MAGI2: variants seen among roughly 807,000 people sequenced by gnomAD.
The protein encoded by MAGI2 is membrane-associated guanylate kinase, WW and PDZ domain-containing protein 2.
Under a neutral mutation model 133.3 loss-of-function variants are expected in MAGI2, and 35 were observed. That is an observed-to-expected ratio of 0.26 (90% confidence interval 0.20 to 0.35). The LOEUF is 0.35. Among genes scored for constraint, MAGI2 ranks in the 10% least tolerant of loss-of-function variants. MAGI2 has a pLI of 1.00. For synonymous variants in MAGI2, 729 were observed against 710.6 expected, an observed-to-expected ratio of 1.03 and a Z score of -0.41; for missense variants, 1,636 against 1,863.4, an observed-to-expected ratio of 0.88 and a Z score of 2.25.
intron 20 of MAGI2, among the ~76,000 whole-genome samples, chr7:78,118,006 C>T (rs770527880): frequency 1.3e-4 from 20 of 152,040 alleles, no homozygotes; most frequent in African/African-American, 1.9e-4. Flanking sequence ...AAAGAATAGA[C>T]GAATAGATCA....
intron 14 of MAGI2, among the ~76,000 whole-genome samples, chr7:78,171,977 T>C (rs1826154453): frequency 6.6e-6 from 1 of 152,170 alleles, no homozygotes. Flanking sequence ...AAAGAACTTC[T>C]CCATGAACAA....
chr7:79,163,755 C>T lies in MAGI2; in HGVS notation c.302-156549G>A, dbSNP rs555771698. On this transcript the variant is annotated intron_variant, in intron 1 of 21. Transcript: ENST00000354212. ...GGTTGTTTACTGCCCTCTGATTTCA[C>T]TTATAACCTTCTTGGATGCCTAATC... Among the ~76,000 whole-genome samples, 9 of 152,096 alleles carry T rather than the reference C, an allele frequency of 5.9e-5. No individual in the cohort carries two copies. In the East Asian group the frequency reaches 1.8e-3, roughly 30 times the overall value.
intron 1 of MAGI2, among the ~76,000 whole-genome samples, chr7:79,197,118 CT>C (rs1828157267): frequency 6.6e-6 from 1 of 151,746 alleles, no homozygotes; most frequent in South Asian, 2.1e-4. Flanking sequence ...CCTATCACAT[CT>C]GATGGATTCA....
intron 7 of MAGI2, among the ~76,000 whole-genome samples, chr7:78,354,051 T>C (rs998767383): frequency 2.0e-5 from 3 of 152,174 alleles, no homozygotes; most frequent in African/African-American, 7.2e-5. Context: ...GTAGGAAAGC[T>C]GTGGTTCTCC....
At chr7:78,065,978 G>A (rs1022248449) in intron 21 of MAGI2, among the ~76,000 whole-genome samples, 1 of 152,170 alleles carries the variant, frequency 6.6e-6, no homozygotes, top group Non-Finnish European at 1.5e-5. Context: ...GTAAATTCTT[G>A]TAGGCTTTTC....
intron 1 of MAGI2, among the ~76,000 whole-genome samples, chr7:79,403,430 C>T (rs1845601198): frequency 6.6e-6 from 1 of 151,752 alleles, no homozygotes; most frequent in Non-Finnish European, 1.5e-5. Flanking sequence ...GAAAACCTTT[C>T]TTGCTTTTTT....
At chr7:78,548,295 A>G (rs1799039924) in intron 3 of MAGI2, among the ~76,000 whole-genome samples, 1 of 152,222 alleles carries the variant, frequency 6.6e-6, no homozygotes, top group Non-Finnish European at 1.5e-5. Flanking sequence ...AGCAGAAATC[A>G]TTGTTCTTTG....
intron 2 of MAGI2, among the ~76,000 whole-genome samples, chr7:78,930,188 G>A (rs1471793301): frequency 6.6e-6 from 1 of 152,062 alleles, no homozygotes; most frequent in African/African-American, 2.4e-5. Context: ...ATGCAAGAAA[G>A]CAGAAGCAAA....
chr7:79,236,140 A>G (rs80328025), intron 1 of MAGI2, among the ~76,000 whole-genome samples: 2,052 of 152,348 alleles, frequency 0.013, 46 homozygotes, highest in African/African-American at 0.047. Flanking sequence ...CTTTTCTAAA[A>G]ACATATTAAT....
intron 1 of MAGI2, among the ~76,000 whole-genome samples, chr7:79,152,382 G>A (rs1823339476): frequency 6.6e-6 from 1 of 152,188 alleles, no homozygotes; most frequent in Non-Finnish European, 1.5e-5. Flanking sequence ...AGGAAGGATT[G>A]ATAAGTGAAA....
At chr7:78,909,940 G>A (rs1798281488) in intron 2 of MAGI2, among the ~76,000 whole-genome samples, 1 of 152,152 alleles carries the variant, frequency 6.6e-6, no homozygotes, top group Non-Finnish European at 1.5e-5. Flanking sequence ...AGAGACCATG[G>A]ACTACTATGC....
chr7:78,955,162 T>G (rs981032229), intron 2 of MAGI2, among the ~76,000 whole-genome samples: 1 of 152,144 alleles, frequency 6.6e-6, no homozygotes, highest in East Asian at 1.9e-4. Context: ...ATAATGACGG[T>G]ATTTAGTATC....
chr7:78,448,804 G>A (rs1050139936), intron 6 of MAGI2, among the ~76,000 whole-genome samples: 2 of 151,978 alleles, frequency 1.3e-5, no homozygotes, highest in South Asian at 2.1e-4. Context: ...CCACCTCTGC[G>A]AGAAAACTGC....
At chr7:79,055,098 T>C (rs1245823032) in intron 1 of MAGI2, among the ~76,000 whole-genome samples, 1 of 152,234 alleles carries the variant, frequency 6.6e-6, no homozygotes, top group African/African-American at 2.4e-5. Context: ...CCGGCCTCCT[T>C]GCCTGTCCTA....
intron 12 of MAGI2, among the ~76,000 whole-genome samples, chr7:78,194,593 C>T (rs1828544602): frequency 6.6e-6 from 1 of 151,874 alleles, no homozygotes; most frequent in Admixed American, 6.6e-5. Flanking sequence ...CTAAACAAAA[C>T]CAGCAACCTC....
intron 16 of MAGI2, among the ~76,000 whole-genome samples, chr7:78,145,193 C>T (rs1163873413): frequency 6.6e-6 from 1 of 152,144 alleles, no homozygotes; most frequent in African/African-American, 2.4e-5. Flanking sequence ...TCTTCAGAAA[C>T]TTACAGGCAC....
intron 6 of MAGI2, among the ~76,000 whole-genome samples, chr7:78,393,255 C>T (rs62468204): frequency 0.25 from 37,389 of 152,064 alleles, 5,474 homozygotes; most frequent in East Asian, 0.62. Context: ...AGGCATGGAC[C>T]TGTGGCCTAG....
rs1790382006 is a variant in MAGI2 at position 78,341,608 on chromosome 7, G to T, written c.1408+2170C>A. 2.0e-5 allele frequency among the ~76,000 whole-genome samples: 3 copies of T among 151,834 alleles called. No homozygotes were observed. In the South Asian group the frequency reaches 6.3e-4, roughly 32 times the overall value. On this transcript the variant is annotated intron_variant, in intron 9 of 21. Transcript: ENST00000354212. Reference sequence around the variant, plus strand: ...ATAGCATCGTACTGGTACCAAAACAGATACACAGGCCAATGGAACAGAACA... The same window carrying T: ...ATAGCATCGTACTGGTACCAAAACATATACACAGGCCAATGGAACAGAACA...
intron 6 of MAGI2, among the ~76,000 whole-genome samples, chr7:78,410,733 T>C (rs2151377186): frequency 6.6e-6 from 1 of 151,882 alleles, no homozygotes; most frequent in South Asian, 2.1e-4. Flanking sequence ...AAGGAATCAC[T>C]ACCTGGGGGA....
Sources: allele counts gnomAD v4.1 joint callset (sites outside exome capture counted in the v4.1 genomes callset), GRCh38; gene constraint gnomAD v4.1.1; transcripts MANE v1.5; gene names NCBI Gene and HGNC (gene_info 2026-07-23, HGNC 2026-07-21).